The following RBFOX1 variants were observed in gnomAD, a reference collection of about 807,000 sequenced individuals.
The protein encoded by RBFOX1 is RNA binding protein fox-1 homolog 1.
In RBFOX1, 8 loss-of-function variants were observed where a neutral mutation model predicts 57.7. The observed-to-expected ratio is 0.14, with a 90% CI of 0.08 to 0.25. RBFOX1 has a LOEUF of 0.25. Among genes scored for constraint, RBFOX1 ranks in the 10% least tolerant of loss-of-function variants. The probability of loss-of-function intolerance (pLI) is 1.00; values close to 1 mark genes in which losing one functional copy is unlikely to be tolerated. For missense variants in RBFOX1, 611 were observed against 548.5 expected (o/e 1.11, Z -1.14); for synonymous variants, 326 against 222.4 (o/e 1.47, Z -4.15).
intron 4 of RBFOX1, among the ~76,000 whole-genome samples, chr16:5,897,994 A>G (rs1470265014): frequency 6.6e-6 from 1 of 152,106 alleles, no homozygotes; most frequent in Non-Finnish European, 1.5e-5. Flanking sequence ...ATAAAGACAT[A>G]CCTGAAACTG....
chr16:5,636,166 G>C (rs1264976896), intron 3 of RBFOX1, among the ~76,000 whole-genome samples: 7 of 152,156 alleles, frequency 4.6e-5, no homozygotes, highest in Non-Finnish European at 1.0e-4. Context: ...TGACCAACAT[G>C]GTGAAACCCC....
chr16:5,794,533 G>A (rs747297364), intron 3 of RBFOX1, among the ~76,000 whole-genome samples: 2 of 152,126 alleles, frequency 1.3e-5, no homozygotes, highest in South Asian at 2.1e-4. Context: ...TGTGTGTGGT[G>A]TGTGCAGCCT....
chr16:7,189,585 A>C (rs950914493), intron 4 of RBFOX1, among the ~76,000 whole-genome samples: 35 of 146,268 alleles, frequency 2.4e-4, no homozygotes, highest in Admixed American at 2.3e-3. Context: ...ACACACACAC[A>C]CATACACACA....
intron 1 of RBFOX1, among the ~76,000 whole-genome samples, chr16:5,274,252 G>T (rs1465575327): frequency 6.6e-6 from 1 of 152,174 alleles, no homozygotes; most frequent in Non-Finnish European, 1.5e-5. Context: ...TAGGTGTTCA[G>T]GTGGGGTTGC....
At chr16:6,790,263 C>G (rs894980336) in intron 3 of RBFOX1, among the ~76,000 whole-genome samples, 1 of 151,468 alleles carries the variant, frequency 6.6e-6, no homozygotes, top group African/African-American at 2.4e-5. Context: ...TAGCTTAGTG[C>G]AACCTCTGCC....
At chr16:6,842,812 C>T (rs956280942) in intron 3 of RBFOX1, among the ~76,000 whole-genome samples, 4 of 151,992 alleles carry the variant, frequency 2.6e-5, no homozygotes, top group African/African-American at 7.2e-5. Flanking sequence ...CTAATGCTCT[C>T]CCTCCATGTT....
At chr16:5,838,785 C>T (rs2118014) in intron 3 of RBFOX1, 2 of 152,114 alleles carry the variant, frequency 1.3e-5, no homozygotes, top group Non-Finnish European at 2.9e-5. Context: ...AAAAAAATCT[C>T]TCTCTGCAAA....
At chr16:7,207,023 C>T (rs79596218) in intron 4 of RBFOX1, among the ~76,000 whole-genome samples, 2 of 152,120 alleles carry the variant, frequency 1.3e-5, no homozygotes, top group African/African-American at 2.4e-5. Context: ...CAATGCCATG[C>T]TTCATCCTGG....
chr16:5,704,529 T>C (rs148231095), intron 3 of RBFOX1, among the ~76,000 whole-genome samples: 19 of 152,318 alleles, frequency 1.2e-4, no homozygotes, highest in African/African-American at 4.6e-4. Flanking sequence ...TTGGTGCATG[T>C]AATTATTCAG....
At chr16:6,825,632 GTATT>G (rs2092022839) in intron 3 of RBFOX1, among the ~76,000 whole-genome samples, 1 of 152,108 alleles carries the variant, frequency 6.6e-6, no homozygotes, top group Admixed American at 6.5e-5. Flanking sequence ...CTGGGAGTGG[GTATT>G]TATTCACCGC....
At chr16:6,612,863 A>AAAAAT (rs59339311) in intron 2 of RBFOX1, among the ~76,000 whole-genome samples, 8,206 of 132,134 alleles carry the variant, frequency 0.062, 406 homozygotes, top group South Asian at 0.16. Context: ...AAAAAAAAAA[A>AAAAAT]AATAATAATA....
intron 2 of RBFOX1, among the ~76,000 whole-genome samples, chr16:6,443,581 A>T (rs139627966): frequency 1.3e-5 from 2 of 152,264 alleles, no homozygotes; most frequent in African/African-American, 4.8e-5. Flanking sequence ...CTTCTCTCCC[A>T]CTGGTAAACG....
intron 4 of RBFOX1, among the ~76,000 whole-genome samples, chr16:5,952,844 C>G (rs2059548503): frequency 6.6e-6 from 1 of 152,122 alleles, no homozygotes. Context: ...TAACCCGAGA[C>G]TTGGTAAAAA....
chr16:5,319,593 C>G (rs777552284), intron 1 of RBFOX1, among the ~76,000 whole-genome samples: 8 of 152,180 alleles, frequency 5.3e-5, no homozygotes. Context: ...CCACGTGGAC[C>G]TTGTCTTGGA....
chr16:6,920,367 C>G (rs527821636), intron 3 of RBFOX1, among the ~76,000 whole-genome samples: 56 of 152,262 alleles, frequency 3.7e-4, no homozygotes, highest in Middle Eastern at 6.8e-3. Flanking sequence ...GATACAATCT[C>G]TCTCTTCTGC....
chr16:5,429,379 C>T (rs1473295260), intron 1 of RBFOX1, among the ~76,000 whole-genome samples: 1 of 152,312 alleles, frequency 6.6e-6, no homozygotes, highest in African/African-American at 2.4e-5. Context: ...GTCAGAGGCT[C>T]AGGCCTTAGG....
At chr16:7,052,668 G>C (rs939350456) in intron 4 of RBFOX1, among the ~76,000 whole-genome samples, 6 of 152,206 alleles carry the variant, frequency 3.9e-5, no homozygotes, top group African/African-American at 1.4e-4. Context: ...GCATATCGGT[G>C]TAAGAAGTAT....
intron 4 of RBFOX1, among the ~76,000 whole-genome samples, chr16:5,944,571 C>T (rs2059352988): frequency 6.6e-6 from 1 of 151,652 alleles, no homozygotes; most frequent in African/African-American, 2.4e-5. Context: ...GTGAGTCATG[C>T]CTCAGTTTCG....
At chr16:6,751,711 G>A (rs963551450) in intron 3 of RBFOX1, among the ~76,000 whole-genome samples, 24 of 152,176 alleles carry the variant, frequency 1.6e-4, no homozygotes, top group African/African-American at 5.8e-4. Flanking sequence ...TATACAAGCA[G>A]ATAGAGCCAG....
Sources: gnomAD v4.1 joint callset for allele counts (sites outside exome capture counted in the v4.1 genomes callset) on GRCh38, gnomAD v4.1.1 for gene constraint, MANE v1.5 for transcripts, NCBI Gene and HGNC (gene_info 2026-07-23, HGNC 2026-07-21) for gene names.